The following PTPRG variants were observed in gnomAD, a reference collection of about 807,000 sequenced individuals.
PTPRG encodes the protein receptor-type tyrosine-protein phosphatase gamma.
A neutral mutation model predicts 165.3 loss-of-function variants in PTPRG; 102 were observed. That is an observed-to-expected ratio of 0.62 (90% CI 0.53 to 0.73). The LOEUF is 0.73. Among genes scored for constraint, PTPRG ranks in the 30% least tolerant of loss-of-function variants. The pLI is 0.00. For missense variants in PTPRG, 1,866 were observed against 1,861.4 expected, an observed-to-expected ratio of 1.00 and a Z score of -0.05; for synonymous variants, 675 against 669.5, an observed-to-expected ratio of 1.01 and a Z score of -0.13.
At chr3:61,632,462 C>A (rs1301333239) in intron 1 of PTPRG, among the ~76,000 whole-genome samples, 1 of 152,172 alleles carries the variant, frequency 6.6e-6, no homozygotes, top group Non-Finnish European at 1.5e-5. Flanking sequence ...GAAATCACTT[C>A]TGTTCTAGGA....
At chr3:61,894,271 C>T (rs1375960487) in intron 2 of PTPRG, among the ~76,000 whole-genome samples, 1 of 127,356 alleles carries the variant, frequency 7.9e-6, no homozygotes, top group Non-Finnish European at 1.6e-5. Context: ...CACTTCACTC[C>T]AGCCCGGGCA....
intron 2 of PTPRG, among the ~76,000 whole-genome samples, chr3:61,942,831 T>TATGA (rs1400836046): frequency 1.6e-4 from 24 of 152,254 alleles, no homozygotes; most frequent in Admixed American, 1.5e-3. Context: ...ATAATTTTTA[T>TATGA]ATGACTTAGC....
chr3:61,890,102 A>T (rs2038167154), intron 2 of PTPRG, among the ~76,000 whole-genome samples: 1 of 152,240 alleles, frequency 6.6e-6, no homozygotes, highest in African/African-American at 2.4e-5. Context: ...ATATGAGGAC[A>T]GCTGTTGCAT....
intron 2 of PTPRG, among the ~76,000 whole-genome samples, chr3:61,826,111 A>G (rs1434872741): frequency 1.3e-5 from 2 of 152,234 alleles, no homozygotes; most frequent in Admixed American, 1.3e-4. Flanking sequence ...TTAGGAGGAT[A>G]AAATACATAT....
intron 15 of PTPRG, among the ~76,000 whole-genome samples, chr3:62,249,462 G>T (rs1179903283): frequency 6.6e-6 from 1 of 152,112 alleles, no homozygotes; most frequent in Non-Finnish European, 1.5e-5. Context: ...CTATGCTAGG[G>T]CTCTGTTTTT....
intron 2 of PTPRG, among the ~76,000 whole-genome samples, chr3:61,895,611 A>G (rs893846929): frequency 1.3e-5 from 2 of 152,124 alleles, no homozygotes; most frequent in African/African-American, 2.4e-5. Context: ...TATCACCAGG[A>G]GGGCATTTTA....
chr3:62,161,945 T>C (rs1704781724), intron 7 of PTPRG, among the ~76,000 whole-genome samples: 1 of 152,214 alleles, frequency 6.6e-6, no homozygotes, highest in Non-Finnish European at 1.5e-5. Context: ...TTCTAGTTAG[T>C]ATCCTTGGGT....
chr3:62,274,097 G>A (rs1279003015), intron 23 of PTPRG, among the ~76,000 whole-genome samples: 1 of 152,008 alleles, frequency 6.6e-6, no homozygotes, highest in African/African-American at 2.4e-5. Flanking sequence ...ATAAACATCA[G>A]CCCCTGGCCA....
intron 20 of PTPRG, among the ~76,000 whole-genome samples, chr3:62,269,913 CA>C (rs1480973243): frequency 6.6e-6 from 1 of 152,050 alleles, no homozygotes; most frequent in Non-Finnish European, 1.5e-5. Context: ...TTTTCCTATA[CA>C]TACATATCTA....
intron 1 of PTPRG, among the ~76,000 whole-genome samples, chr3:61,729,792 T>G (rs1207851799): frequency 6.6e-6 from 1 of 152,214 alleles, no homozygotes; most frequent in Non-Finnish European, 1.5e-5. Flanking sequence ...GCTTTTTATG[T>G]ACTCTCTTGC....
chr3:61,801,734 T>C (rs763004299), intron 2 of PTPRG, among the ~76,000 whole-genome samples: 7 of 152,216 alleles, frequency 4.6e-5, no homozygotes, highest in Non-Finnish European at 1.0e-4. Flanking sequence ...CTCTGCATTA[T>C]GGTGGGCTGT....
chr3:61,984,561 C>T (rs768055003), intron 2 of PTPRG, among the ~76,000 whole-genome samples: 30 of 152,118 alleles, frequency 2.0e-4, no homozygotes, highest in Admixed American at 2.6e-4. Flanking sequence ...TTTAACACAA[C>T]TTATATTTTA....
intron 8 of PTPRG, among the ~76,000 whole-genome samples, chr3:62,179,592 G>A (rs1397123384): frequency 2.6e-5 from 4 of 152,202 alleles, no homozygotes; most frequent in South Asian, 2.1e-4. Flanking sequence ...TCTTCAGAGC[G>A]TATGGACCTA....
chr3:62,071,612 T>G (rs1189568947), intron 4 of PTPRG, among the ~76,000 whole-genome samples: 1 of 152,224 alleles, frequency 6.6e-6, no homozygotes, highest in Non-Finnish European at 1.5e-5. Context: ...TCTTCCTAAG[T>G]GCAGACTGTA....
intron 5 of PTPRG, among the ~76,000 whole-genome samples, chr3:62,099,624 A>G (rs1471863298): frequency 6.6e-6 from 1 of 152,122 alleles, no homozygotes; most frequent in African/African-American, 2.4e-5. Flanking sequence ...GACATGAGCC[A>G]TGTTATTAAT....
intron 4 of PTPRG, among the ~76,000 whole-genome samples, chr3:62,011,250 C>T (rs1204659766): frequency 6.6e-6 from 1 of 152,220 alleles, no homozygotes; most frequent in Non-Finnish European, 1.5e-5. Context: ...GGCAAGCTCC[C>T]TGTGCAGGTT....
At chr3:61,830,396 A>G (rs1468761499) in intron 2 of PTPRG, among the ~76,000 whole-genome samples, 1 of 151,876 alleles carries the variant, frequency 6.6e-6, no homozygotes, top group Non-Finnish European at 1.5e-5. Flanking sequence ...AAAACCCAGA[A>G]ATCTGTCAAT....
intron 1 of PTPRG, among the ~76,000 whole-genome samples, chr3:61,639,259 T>G (rs1701999976): frequency 6.6e-6 from 1 of 152,198 alleles, no homozygotes; most frequent in African/African-American, 2.4e-5. Context: ...TCTGTTCCAT[T>G]GGTGTATGTG....
At chr3:62,207,933 C>A (rs1700269302) in intron 12 of PTPRG, among the ~76,000 whole-genome samples, 2 of 152,196 alleles carry the variant, frequency 1.3e-5, no homozygotes, top group Non-Finnish European at 2.9e-5. Context: ...CACTCAGCTC[C>A]AACAGATTAC....
Sources: allele counts gnomAD v4.1 joint callset (sites outside exome capture counted in the v4.1 genomes callset), GRCh38; gene constraint gnomAD v4.1.1; transcripts MANE v1.5; gene names NCBI Gene and HGNC (gene_info 2026-07-23, HGNC 2026-07-21).